Variants in CENPN observed in about 807,000 individuals in gnomAD.
CENPN encodes centromere protein N.
A neutral mutation model predicts 48.6 loss-of-function variants in CENPN; 36 were observed. That is an observed-to-expected ratio of 0.74 (90% confidence interval 0.57 to 0.98). The LOEUF (loss-of-function observed/expected upper bound fraction) is 0.98, where lower values mean the gene tolerates loss of function less well. Among genes scored for constraint, CENPN ranks in the 50% least tolerant of loss-of-function variants. The probability of loss-of-function intolerance (pLI) is 0.00; values close to 1 mark genes in which losing one functional copy is unlikely to be tolerated. For synonymous variants in CENPN, 166 were observed against 135.2 expected (o/e 1.23, Z -1.58); for missense variants, 439 against 399.2 (o/e 1.10, Z -0.85).
chr16:81,025,817 C>G (rs978715396), intron 8 of CENPN, among the ~76,000 whole-genome samples: 7 of 150,930 alleles, frequency 4.6e-5, no homozygotes, highest in African/African-American at 1.7e-4. Flanking sequence ...ATTCTCTTTC[C>G]TCAGCCTCCC....
At chr16:81,027,790 C>T (rs936305184) in intron 9 of CENPN, among the ~76,000 whole-genome samples, 1 of 152,094 alleles carries the variant, frequency 6.6e-6, no homozygotes, top group Non-Finnish European at 1.5e-5. Context: ...CTGCAGCCTC[C>T]GCCTCCTGGG....
At chr16:81,025,643 C>A (rs1379451082) in intron 8 of CENPN, among the ~76,000 whole-genome samples, 1 of 149,232 alleles carries the variant, frequency 6.7e-6, no homozygotes, top group African/African-American at 2.5e-5. Context: ...AGATCACGAG[C>A]CCAAGAGATC....
chr16:81,008,123 G>T (rs937003186), intron 1 of CENPN, among the ~76,000 whole-genome samples: 4 of 152,160 alleles, frequency 2.6e-5, no homozygotes, highest in Admixed American at 6.5e-5. Context: ...AACAAAAAAA[G>T]GAAAGTTTAA....
intron 5 of CENPN, 80 bp from the exon 6 acceptor site, chr16:81,020,020 C>A: frequency 2.3e-6 from 3 of 1,284,572 alleles, no homozygotes; most frequent in Non-Finnish European, 3.2e-6. Context: ...TCATTGTTCA[C>A]CCCTAATAAG....
chr16:81,014,301 C>G, intron 3 of CENPN, 120 bp downstream of exon 3: 1 of 759,844 alleles, frequency 1.3e-6, no homozygotes, highest in Non-Finnish European at 2.3e-6. Context: ...GTAACGCCAT[C>G]TCAGCTCACC....
Position 81,030,515 on chromosome 16 carries a change from G to C in CENPN, c.*1864G>C. The C allele has an allele frequency of 2.0e-6, 1 of 509,670 alleles. No homozygotes were observed. Among genetic ancestry groups the C allele is most frequent in the Non-Finnish European group, 2.5e-6 (1 of 395,570 alleles). 31.6% of individuals were successfully genotyped at this position (509,670 alleles called of 1,614,324 possible). ...TGTAATCCTAGCACTTTGGGAAGCC[G>C]AGGTGGGCAGATCACCCGAGGTCAG... On this transcript the variant is annotated 3_prime_UTR_variant, in exon 11 of 11. Transcript: ENST00000305850.
At chr16:81,013,678 G>A (rs930480551) in intron 2 of CENPN, among the ~76,000 whole-genome samples, 4 of 151,898 alleles carry the variant, frequency 2.6e-5, no homozygotes, top group Non-Finnish European at 5.9e-5. Context: ...CTAAGATTGC[G>A]CGTTTGCACT....
chr16:81,013,830 C>G (rs1217815820), intron 2 of CENPN, among the ~76,000 whole-genome samples: 2 of 152,018 alleles, frequency 1.3e-5, no homozygotes, highest in African/African-American at 4.8e-5. Flanking sequence ...CAAAATGTAT[C>G]AAATTGTATA....
rs1383429778 is a variant in CENPN, at chr16:81,024,834, T to C, written c.697+56T>C. ...TGGAAATGCATCATTCCCTTATAGA[T>C]TTCTTTCACTTGGTAAAACGTGTAT... On this transcript the variant is annotated intron_variant, in intron 8 of 10. Transcript: ENST00000305850. 3.5e-6 allele frequency: 4 copies of C among 1,143,032 alleles called. No homozygotes were observed. The East Asian group carries it at 9.6e-5, about 27-fold the overall frequency. 70.8% of individuals were successfully genotyped at this position (1,143,032 alleles called of 1,614,324 possible).
chr16:81,022,247 T>A, intron 6 of CENPN: 1 of 243,758 alleles, frequency 4.1e-6, no homozygotes, highest in Non-Finnish European at 8.1e-6. Flanking sequence ...TCTGCGTTTT[T>A]GTATGGCAAT....
chr16:81,025,689 C>CTTTTTTTTTTTTTTT lies in CENPN; in HGVS notation c.698-836_698-835insTTTTTTTTTTTTTTT, dbSNP rs761078576. ...TGGGCAACATAGTGAGACCCTGTCT[C>CTTTTTTTTTTTTTTT]TCTTTTTTTTTTTTTTTTTTTTTTT... On this transcript the variant is annotated intron_variant, in intron 8 of 10. Coordinates refer to ENST00000305850, the MANE Select transcript of CENPN (RefSeq NM_001100624.3). Among the ~76,000 whole-genome samples the CTTTTTTTTTTTTTTT allele has an allele frequency of 6.7e-5, 9 of 135,218 alleles. 1 individual carries two copies. The highest frequency in any genetic ancestry group is 1.8e-4 in the African/African-American group (6 of 33,984). 88.7% of individuals were successfully genotyped at this position (135,218 alleles called of 152,430 possible). A position where few individuals can be genotyped will look rare whatever the true frequency, so the allele number is the denominator to read the frequency against.
chr16:81,018,752 C>G (rs1970041534), intron 5 of CENPN, among the ~76,000 whole-genome samples: 1 of 152,194 alleles, frequency 6.6e-6, no homozygotes, highest in Non-Finnish European at 1.5e-5. Flanking sequence ...GGGAGACTTT[C>G]TTGTCTCCTG....
intron 1 of CENPN, among the ~76,000 whole-genome samples, chr16:81,007,742 G>C (rs1377129237): frequency 6.6e-6 from 1 of 152,132 alleles, no homozygotes; most frequent in Non-Finnish European, 1.5e-5. Flanking sequence ...GGATCTTTTT[G>C]ATCATGCGTT....
At chr16:81,027,933 A>T (rs1970584209) in intron 9 of CENPN, among the ~76,000 whole-genome samples, 1 of 152,012 alleles carries the variant, frequency 6.6e-6, no homozygotes, top group African/African-American at 2.4e-5. Flanking sequence ...TCAAACTCCT[A>T]ACCTCAAGTG....
intron 1 of CENPN, among the ~76,000 whole-genome samples, chr16:81,008,839 C>T (rs926360432): frequency 6.6e-6 from 1 of 152,148 alleles, no homozygotes; most frequent in African/African-American, 2.4e-5. Flanking sequence ...ATAAAAACAT[C>T]GTCCTGCCCT....
intron 8 of CENPN, 27 bp from the exon 9 acceptor site, chr16:81,026,499 G>C: frequency 8.6e-7 from 1 of 1,163,060 alleles, no homozygotes; most frequent in Non-Finnish European, 1.3e-6. Flanking sequence ...CCTAACGGCT[G>C]TTTTATTTGA....
intron 2 of CENPN, among the ~76,000 whole-genome samples, chr16:81,013,024 G>A (rs1270473129): frequency 6.6e-6 from 1 of 152,178 alleles, no homozygotes; most frequent in Non-Finnish European, 1.5e-5. Flanking sequence ...AAATGAAGAT[G>A]CATTGTAGCA....
intron 2 of CENPN, 88 bp from the exon 3 acceptor site, chr16:81,014,048 C>A: frequency 9.8e-7 from 1 of 1,016,566 alleles, no homozygotes; most frequent in Non-Finnish European, 1.5e-6. Context: ...TGCTAATAGT[C>A]TGTTCTAACC....
intron 7 of CENPN, 133 bp from the exon 8 acceptor site, chr16:81,024,582 G>A: frequency 1.7e-6 from 1 of 572,084 alleles, no homozygotes; most frequent in Non-Finnish European, 3.0e-6. Context: ...AGCCAACTCA[G>A]CCAGGATATG....
Sources: gnomAD v4.1 joint callset for allele counts (sites outside exome capture counted in the v4.1 genomes callset) on GRCh38, gnomAD v4.1.1 for gene constraint, MANE v1.5 for transcripts, NCBI Gene and HGNC (gene_info 2026-07-23, HGNC 2026-07-21) for gene names.